Variants in ARSJ observed in about 807,000 individuals in gnomAD.
ARSJ encodes arylsulfatase family member J.
In ARSJ, 26 loss-of-function variants were observed where a neutral mutation model predicts 35.9. The observed-to-expected ratio is 0.72, with a 90% confidence interval of 0.53 to 1.00. ARSJ has a LOEUF of 1.00. Ranked by LOEUF, ARSJ falls within the 50% of genes least tolerant of loss-of-function variation. The pLI is 0.00. For missense variants in ARSJ, 667 were observed against 723.6 expected, an observed-to-expected ratio of 0.92 and a Z score of 0.90; for synonymous variants, 294 against 267.6, an observed-to-expected ratio of 1.10 and a Z score of -0.96.
intron 1 of ARSJ, among the ~76,000 whole-genome samples, chr4:113,963,806 G>A (rs542026097): frequency 5.9e-5 from 9 of 152,166 alleles, no homozygotes; most frequent in Non-Finnish European, 7.4e-5. Context: ...CAAATTAGCC[G>A]ATGAATAGTT....
intron 1 of ARSJ, among the ~76,000 whole-genome samples, chr4:113,914,052 C>T (rs1723118857): frequency 6.6e-6 from 1 of 152,156 alleles, no homozygotes; most frequent in African/African-American, 2.4e-5. Flanking sequence ...CAGCTCACTG[C>T]AACCTCTGCC....
intron 1 of ARSJ, among the ~76,000 whole-genome samples, chr4:113,953,844 CA>C (rs1195536714): frequency 6.6e-6 from 1 of 151,784 alleles, no homozygotes; most frequent in Admixed American, 6.6e-5. Flanking sequence ...AGAGAAAGTT[CA>C]AAAAATGATT....
At chr4:113,919,572 C>T (rs986239063) in intron 1 of ARSJ, among the ~76,000 whole-genome samples, 1 of 152,150 alleles carries the variant, frequency 6.6e-6, no homozygotes, top group Non-Finnish European at 1.5e-5. Flanking sequence ...AGGTCATGTT[C>T]CATCATTTGG....
chr4:113,951,367 G>T lies in ARSJ; in HGVS notation c.398+27070C>A, dbSNP rs571538826. ...CAATCCTCATGCTCTCTGGTTGCCAGATCTCCTTGGCACACACTTCAGTGT... is the reference window on the plus strand; with the variant it reads ...CAATCCTCATGCTCTCTGGTTGCCATATCTCCTTGGCACACACTTCAGTGT... On this transcript the variant is annotated intron_variant, in intron 1 of 1. Coordinates refer to ENST00000315366, the MANE Select transcript of ARSJ (RefSeq NM_024590.4). Among the ~76,000 whole-genome samples, 5 of 152,188 alleles carry T rather than the reference G, an allele frequency of 3.3e-5. No individual in the cohort carries two copies. The South Asian group carries it at 1.0e-3, about 32-fold the overall frequency.
intron 1 of ARSJ, among the ~76,000 whole-genome samples, chr4:113,928,313 T>C (rs1353832731): frequency 1.3e-5 from 2 of 152,134 alleles, no homozygotes; most frequent in Non-Finnish European, 2.9e-5. Context: ...ATGTCGGTAA[T>C]ATAGTGGGGT....
At chr4:113,937,662 A>G (rs374769842) in intron 1 of ARSJ, among the ~76,000 whole-genome samples, 1 of 151,978 alleles carries the variant, frequency 6.6e-6, no homozygotes, top group Non-Finnish European at 1.5e-5. Context: ...CCTAAAAGCT[A>G]CTTAAGCTGA....
chr4:113,908,109 A>G (rs1280566094), intron 1 of ARSJ, among the ~76,000 whole-genome samples: 1 of 152,244 alleles, frequency 6.6e-6, no homozygotes, highest in Non-Finnish European at 1.5e-5. Context: ...GAAGGAATTA[A>G]AAGAAAGAGA....
At chr4:113,933,972 G>T (rs1346310067) in intron 1 of ARSJ, among the ~76,000 whole-genome samples, 1 of 151,744 alleles carries the variant, frequency 6.6e-6, no homozygotes, top group Non-Finnish European at 1.5e-5. Flanking sequence ...CAGACAACAT[G>T]GTCTCATATT....
chr4:113,960,953 A>G (rs534771564), intron 1 of ARSJ, among the ~76,000 whole-genome samples: 76 of 152,238 alleles, frequency 5.0e-4, no homozygotes, highest in Non-Finnish European at 9.6e-4. Context: ...CATTTGACTG[A>G]AAAGTGACAC....
chr4:113,902,640 G>A lies in ARSJ; in HGVS notation c.1434C>T (p.Asn478=), dbSNP rs369321104. 1.1e-5 allele frequency: 17 copies of A among 1,614,148 alleles called. No homozygotes were observed. The African/African-American group carries it at 2.0e-4, about 19-fold the overall frequency. Residue 478 remains asparagine (N), a synonymous_variant, in exon 2 of 2, where the codon AAC becomes AAT. Coordinates refer to ENST00000315366, the MANE Select transcript of ARSJ (RefSeq NM_024590.4). Reference sequence around the variant, plus strand: ...AGGTGATCCGTTCATTGTGCCACCGGTTCGGTCCCAGGTTGCTGAAAGACT... The same window carrying A: ...AGGTGATCCGTTCATTGTGCCACCGATTCGGTCCCAGGTTGCTGAAAGACT... ...PPQSFSNLGP[N]RWHNERITLS...
At chr4:113,943,917 C>T (rs1007771616) in intron 1 of ARSJ, among the ~76,000 whole-genome samples, 3 of 151,862 alleles carry the variant, frequency 2.0e-5, no homozygotes, top group African/African-American at 4.8e-5. Context: ...TATGTCATGC[C>T]TTGTAGGCTG....
At chr4:113,932,110 A>G (rs1724491545) in intron 1 of ARSJ, among the ~76,000 whole-genome samples, 1 of 152,064 alleles carries the variant, frequency 6.6e-6, no homozygotes, top group Non-Finnish European at 1.5e-5. Context: ...GACAGTAAAA[A>G]CTGACAAAAA....
chr4:113,978,624 T>G lies in ARSJ; in HGVS notation c.211A>C (p.Thr71Pro). 1 of 1,614,146 alleles carries G rather than the reference T, an allele frequency of 6.2e-7. No individual in the cohort carries two copies. Among genetic ancestry groups the G allele is most frequent in the Non-Finnish European group, 8.5e-7 (1 of 1,180,026 alleles). ...ATGAGATGGGGCTGGGAGGTGGAAG[T>G]TGTGCTGGGCTCTAGTTTCTCTCCA... ...QAGEKLEPST[T>P]STSQPHLIFI... is the part of the protein sequence containing the mutation. Residue 71 changes from threonine (T) to proline (P), a missense_variant, in exon 1 of 2, where the codon ACT becomes CCT. Thr to Pro is a conservative substitution (Grantham distance 38). Coordinates refer to ENST00000315366, the MANE Select transcript of ARSJ (RefSeq NM_024590.4).
chr4:113,950,589 AAGAG>A (rs1200344207), intron 1 of ARSJ, among the ~76,000 whole-genome samples: 3 of 152,198 alleles, frequency 2.0e-5, no homozygotes, highest in Non-Finnish European at 4.4e-5. Flanking sequence ...AAAGGGAAGA[AAGAG>A]AGGGAGAGGA....
chr4:113,939,160 T>C (rs1216564074), intron 1 of ARSJ, among the ~76,000 whole-genome samples: 1 of 147,576 alleles, frequency 6.8e-6, no homozygotes, highest in African/African-American at 2.5e-5. Flanking sequence ...GAATATGCGG[T>C]GTTTGGTTTT....
intron 1 of ARSJ, among the ~76,000 whole-genome samples, chr4:113,925,162 T>C (rs1404737583): frequency 6.6e-6 from 1 of 152,122 alleles, no homozygotes; most frequent in Non-Finnish European, 1.5e-5. Flanking sequence ...CTAACTCCCT[T>C]CTTAGCCTGT....
At chr4:113,950,240 G>A (rs1209987294) in intron 1 of ARSJ, among the ~76,000 whole-genome samples, 1 of 152,044 alleles carries the variant, frequency 6.6e-6, no homozygotes, top group Non-Finnish European at 1.5e-5. Context: ...GCCCAGAGCT[G>A]CCCTGAAGGA....
chr4:113,948,346 A>G lies in ARSJ; in HGVS notation c.398+30091T>C, dbSNP rs564024913. On this transcript the variant is annotated intron_variant, in intron 1 of 1. Coordinates refer to ENST00000315366, the MANE Select transcript of ARSJ (RefSeq NM_024590.4). The stretch of plus-strand genomic sequence containing the variant: ...TCATAACTATAGATCAGTAAATCCA[A>G]ATGGTTTACTGACATCAACAGGAAA... Among the ~76,000 whole-genome samples the G allele has an allele frequency of 5.3e-5, 8 of 152,242 alleles. No homozygotes were observed. In the East Asian group the frequency reaches 1.5e-3, roughly 29 times the overall value.
At chr4:113,905,468 C>G (rs746049693) in intron 1 of ARSJ, among the ~76,000 whole-genome samples, 41 of 152,164 alleles carry the variant, frequency 2.7e-4, no homozygotes, top group Non-Finnish European at 5.4e-4. Context: ...TCTGTGGGCA[C>G]TGGAGTGATA....
Sources: gnomAD v4.1 joint callset for allele counts (sites outside exome capture counted in the v4.1 genomes callset) on GRCh38, gnomAD v4.1.1 for gene constraint, MANE v1.5 for transcripts, NCBI Gene and HGNC (gene_info 2026-07-23, HGNC 2026-07-21) for gene names.